The following MAGI3 variants were observed in gnomAD, a reference collection of about 807,000 sequenced individuals.
MAGI3 encodes the protein membrane-associated guanylate kinase, WW and PDZ domain-containing protein 3.
A neutral mutation model predicts 121.8 loss-of-function variants in MAGI3; 43 were observed. The observed-to-expected ratio is 0.35, with a 90% confidence interval of 0.28 to 0.46. The LOEUF (loss-of-function observed/expected upper bound fraction) is 0.46, where lower values mean the gene tolerates loss of function less well. Ranked by LOEUF, MAGI3 falls within the 20% of genes least tolerant of loss-of-function variation. MAGI3 has a pLI of 1.00. For missense variants in MAGI3, 1,547 were observed against 1,797.3 expected (o/e 0.86, Z 2.52); for synonymous variants, 553 against 639.3 (o/e 0.86, Z 2.04).
At chr1:113,618,407 A>G (rs574377021) in intron 7 of MAGI3, 12 of 357,224 alleles carry the variant, frequency 3.4e-5, no homozygotes, top group African/African-American at 2.7e-4. Context: ...TTATATGTAC[A>G]TTTTGTAATA....
At chr1:113,583,180 T>C (rs1648139448) in intron 3 of MAGI3, among the ~76,000 whole-genome samples, 1 of 151,788 alleles carries the variant, frequency 6.6e-6, no homozygotes, top group Non-Finnish European at 1.5e-5. Flanking sequence ...AGTTCTAGGG[T>C]ACATGTGCAC....
At position 113,416,267 on chromosome 1, in the gene MAGI3, A is replaced by G. The variant is rs573536564; in HGVS notation, c.316+24918A>G. Among the ~76,000 whole-genome samples the G allele has an allele frequency of 1.8e-3, 247 of 134,836 alleles. 57 individuals are homozygous for G. The highest frequency in any genetic ancestry group is 2.4e-3 in the Non-Finnish European group (152 of 63,696). The allele number at this position is 134,836 out of a possible 152,430, so 88.5% of individuals were successfully genotyped here. A position where few individuals can be genotyped will look rare whatever the true frequency, so the allele number is the denominator to read the frequency against. On this transcript the variant is annotated intron_variant, in intron 1 of 20. Transcript: ENST00000307546. ...ATGTAATTAATTACACATATTAATT[A>G]TGTAATTAATTACACATATTAATTA... is the stretch of plus-strand genomic sequence containing the variant.
chr1:113,484,916 T>C (rs1194805702), intron 1 of MAGI3, among the ~76,000 whole-genome samples: 1 of 151,482 alleles, frequency 6.6e-6, no homozygotes, highest in Non-Finnish European at 1.5e-5. Flanking sequence ...GTATTTTTAG[T>C]AGAGATGGGG....
intron 1 of MAGI3, among the ~76,000 whole-genome samples, chr1:113,427,471 G>T (rs1337304740): frequency 6.6e-6 from 1 of 152,188 alleles, no homozygotes; most frequent in Non-Finnish European, 1.5e-5. Context: ...TGGTGTTGTT[G>T]AAAGTATTCC....
At chr1:113,445,927 A>G (rs1654154874) in intron 1 of MAGI3, among the ~76,000 whole-genome samples, 1 of 152,206 alleles carries the variant, frequency 6.6e-6, no homozygotes, top group African/African-American at 2.4e-5. Context: ...ATGAAAGAAG[A>G]CTAGACAGTA....
chr1:113,458,507 T>A (rs1162220246), intron 1 of MAGI3, among the ~76,000 whole-genome samples: 3 of 152,092 alleles, frequency 2.0e-5, no homozygotes, highest in Non-Finnish European at 2.9e-5. Flanking sequence ...ATTTTTATGT[T>A]TTTTACTTTT....
At chr1:113,449,533 T>C (rs1206803011) in intron 1 of MAGI3, among the ~76,000 whole-genome samples, 1 of 152,200 alleles carries the variant, frequency 6.6e-6, no homozygotes, top group African/African-American at 2.4e-5. Context: ...GGAGACGACA[T>C]CCATCCAGAA....
At chr1:113,462,282 T>A (rs997769006) in intron 1 of MAGI3, among the ~76,000 whole-genome samples, 1 of 152,198 alleles carries the variant, frequency 6.6e-6, no homozygotes. Context: ...TGCAGCACTA[T>A]TCACAATAGC....
chr1:113,511,886 C>T (rs1003728696), intron 1 of MAGI3, among the ~76,000 whole-genome samples: 1 of 152,200 alleles, frequency 6.6e-6, no homozygotes, highest in African/African-American at 2.4e-5. Context: ...AGGAAAAAGT[C>T]ACCTTTCAGG....
intron 20 of MAGI3, chr1:113,682,092 A>T: frequency 9.9e-7 from 1 of 1,014,712 alleles, no homozygotes; most frequent in Non-Finnish European, 1.3e-6. Context: ...TGATTCTCTG[A>T]CTGTATTATC....
At chr1:113,413,417 A>T (rs1652115676) in intron 1 of MAGI3, among the ~76,000 whole-genome samples, 2 of 152,166 alleles carry the variant, frequency 1.3e-5, no homozygotes, top group Admixed American at 1.3e-4. Flanking sequence ...CTGTGAAGAA[A>T]GTCATTGGTA....
intron 2 of MAGI3, among the ~76,000 whole-genome samples, chr1:113,553,087 A>G (rs984977579): frequency 2.6e-5 from 4 of 152,212 alleles, no homozygotes; most frequent in African/African-American, 9.6e-5. Context: ...TTGAAAAAAG[A>G]GGGCACTTCT....
At position 113,620,711 on chromosome 1, in the gene MAGI3, C is replaced by T. The variant is rs189121238; in HGVS notation, c.1171+881C>T. On this transcript the variant is annotated intron_variant, in intron 8 of 20. Transcript: ENST00000307546. ...GCCCTCAAGAGTTCATAGTCTAATA[C>T]AGGAAACTGATGGTTATAATACATG... Among the ~76,000 whole-genome samples the T allele has an allele frequency of 7.1e-4, 108 of 152,212 alleles. 2 individuals carry two copies. Among genetic ancestry groups the T allele is most frequent in the African/African-American group, 2.5e-3 (105 of 41,526 alleles).
At chr1:113,526,186 A>G (rs1008352812) in intron 1 of MAGI3, among the ~76,000 whole-genome samples, 11 of 152,098 alleles carry the variant, frequency 7.2e-5, no homozygotes, top group African/African-American at 2.4e-4. Context: ...CTGTTCTCCT[A>G]ATGTTTGAAA....
In MAGI3 at chr1:113,435,763, A is replaced by G. The variant is rs573657144; in HGVS notation, c.316+44414A>G. Reference sequence around the variant, plus strand: ...TTGAAATATTACAAAAGACTAGAGTATAAATCAGGTGGAAAAAGGGACAGC... The same window carrying G: ...TTGAAATATTACAAAAGACTAGAGTGTAAATCAGGTGGAAAAAGGGACAGC... On this transcript the variant is annotated intron_variant, in intron 1 of 20. Coordinates refer to ENST00000307546, the MANE Select transcript of MAGI3 (RefSeq NM_001142782.2). Among the ~76,000 whole-genome samples, 7 of 152,266 alleles carry G rather than the reference A, an allele frequency of 4.6e-5. No individual in the cohort carries two copies. In the East Asian group the frequency reaches 1.4e-3, roughly 29 times the overall value.
chr1:113,667,697 A>T (rs925900773), intron 16 of MAGI3, among the ~76,000 whole-genome samples: 1 of 152,248 alleles, frequency 6.6e-6, no homozygotes, highest in Non-Finnish European at 1.5e-5. Context: ...TCTAGCTTTC[A>T]GCCTGTCTCA....
chr1:113,417,304 A>G (rs1451540998), intron 1 of MAGI3, among the ~76,000 whole-genome samples: 2 of 152,180 alleles, frequency 1.3e-5, no homozygotes, highest in African/African-American at 2.4e-5. Flanking sequence ...CTTATAATGT[A>G]TTTCAACGAA....
chr1:113,455,802 C>T (rs1049287035), intron 1 of MAGI3, among the ~76,000 whole-genome samples: 3 of 152,148 alleles, frequency 2.0e-5, no homozygotes, highest in African/African-American at 4.8e-5. Context: ...ATTTATGTCT[C>T]TTTCTCCCCA....
At chr1:113,489,716 A>C (rs1340075505) in intron 1 of MAGI3, among the ~76,000 whole-genome samples, 2 of 152,130 alleles carry the variant, frequency 1.3e-5, no homozygotes, top group Non-Finnish European at 2.9e-5. Context: ...AACAGAGCTG[A>C]AAAACACACT....
Sources: allele counts gnomAD v4.1 joint callset (sites outside exome capture counted in the v4.1 genomes callset), GRCh38; gene constraint gnomAD v4.1.1; transcripts MANE v1.5; gene names NCBI Gene and HGNC (gene_info 2026-07-23, HGNC 2026-07-21).